The following INPP5A variants were observed in gnomAD, a reference collection of about 807,000 sequenced individuals.
The protein encoded by INPP5A is 43 kDa inositol polyphosphate 5-phophatase.
In INPP5A, 14 loss-of-function variants were observed where a neutral mutation model predicts 65.2. The observed-to-expected ratio is 0.21, with a 90% CI of 0.14 to 0.34. The LOEUF is 0.34. Ranked by LOEUF, INPP5A falls within the 10% of genes least tolerant of loss-of-function variation. INPP5A has a pLI of 1.00. For synonymous variants in INPP5A, 207 were observed against 208.3 expected (o/e 0.99, Z 0.05); for missense variants, 431 against 545.6 (o/e 0.79, Z 2.09).
chr10:132,745,940 C>T (rs1433433470), intron 9 of INPP5A, among the ~76,000 whole-genome samples: 4 of 152,086 alleles, frequency 2.6e-5, no homozygotes, highest in African/African-American at 9.7e-5. Context: ...GTGAGAGCTC[C>T]CAGCTCAGCC....
At chr10:132,609,541 C>A (rs1002599624) in intron 2 of INPP5A, among the ~76,000 whole-genome samples, 4 of 152,222 alleles carry the variant, frequency 2.6e-5, no homozygotes, top group Admixed American at 2.0e-4. Context: ...TGTGTGTGAC[C>A]GGCAAGGAGC....
At chr10:132,774,887 G>A (rs1194382509) in intron 12 of INPP5A, among the ~76,000 whole-genome samples, 2 of 82,302 alleles carry the variant, frequency 2.4e-5, no homozygotes, top group African/African-American at 4.1e-5. Context: ...GGAGAGGCAG[G>A]GAGGAGGGGC....
At chr10:132,657,210 A>G (rs2072668289) in intron 4 of INPP5A, among the ~76,000 whole-genome samples, 1 of 152,234 alleles carries the variant, frequency 6.6e-6, no homozygotes, top group African/African-American at 2.4e-5. Context: ...GAGTGGCCAC[A>G]GCACGTGGCC....
At chr10:132,771,014 C>T (rs558630508) in intron 12 of INPP5A, among the ~76,000 whole-genome samples, 2 of 152,342 alleles carry the variant, frequency 1.3e-5, no homozygotes, top group East Asian at 1.9e-4. Flanking sequence ...AAATAGCATC[C>T]GCTGCTGCTG....
intron 1 of INPP5A, among the ~76,000 whole-genome samples, chr10:132,573,032 T>C (rs1162747720): frequency 7.1e-6 from 1 of 140,136 alleles, no homozygotes; most frequent in Non-Finnish European, 1.5e-5. Context: ...TGTTGCGATG[T>C]TGGGGTGTAC....
intron 12 of INPP5A, 58 bp from the exon 13 acceptor site, chr10:132,777,613 T>C (rs146951202): frequency 2.7e-6 from 4 of 1,504,882 alleles, no homozygotes; most frequent in Non-Finnish European, 3.7e-6. Context: ...AGCCGTCCCT[T>C]TGGGGCTGAG....
Position 132,538,229 on chromosome 10 carries a change from G to A in INPP5A, c.75+58G>A. On this transcript the variant is annotated intron_variant, in intron 1 of 15. Transcript: ENST00000368594. The surrounding 1 kb of genome is among the most constrained non-coding windows in gnomAD (Gnocchi z 4.1). The stretch of plus-strand genomic sequence containing the variant: ...CCCGGAACCCCCGACCCTGACCCCG[G>A]GGTCCCGAACTGCAAGCCTTGGACC... The A allele has an allele frequency of 2.7e-6, 3 of 1,093,620 alleles. No individual in the cohort carries two copies. Among genetic ancestry groups the A allele is most frequent in the Non-Finnish European group, 3.5e-6 (3 of 860,976 alleles). The allele number at this position is 1,093,620 out of a possible 1,614,324, so 67.7% of individuals were successfully genotyped here.
intron 12 of INPP5A, among the ~76,000 whole-genome samples, chr10:132,775,590 T>G (rs12784446): frequency 0.21 from 31,951 of 152,106 alleles, 3,556 homozygotes; most frequent in Non-Finnish European, 0.26. Context: ...ATTAAGGGTG[T>G]TGCCCCCAAC....
intron 8 of INPP5A, among the ~76,000 whole-genome samples, chr10:132,724,222 G>A (rs981691496): frequency 2.6e-5 from 4 of 152,196 alleles, no homozygotes; most frequent in Non-Finnish European, 5.9e-5. Flanking sequence ...CCGTGCCGCT[G>A]GGAATGTTGT....
intron 1 of INPP5A, among the ~76,000 whole-genome samples, chr10:132,586,252 T>A (rs1268696885): frequency 1.3e-5 from 2 of 152,162 alleles, no homozygotes; most frequent in African/African-American, 4.8e-5. Context: ...CTCCCCCACC[T>A]CCGACTCTGT....
chr10:132,661,187 T>C (rs1312394059), intron 4 of INPP5A, among the ~76,000 whole-genome samples: 1 of 152,236 alleles, frequency 6.6e-6, no homozygotes, highest in Non-Finnish European at 1.5e-5. Flanking sequence ...CAGCACCATG[T>C]GTAAATTGTT....
At chr10:132,596,353 A>G (rs1353673556) in intron 1 of INPP5A, among the ~76,000 whole-genome samples, 1 of 152,132 alleles carries the variant, frequency 6.6e-6, no homozygotes, top group Admixed American at 6.5e-5. Context: ...GCACATGTAC[A>G]TTCAAAATTT....
Position 132,741,342 on chromosome 10 carries a change from G to T in INPP5A, c.733-8175G>T, listed in dbSNP as rs181139340. Reference sequence around the variant, plus strand: ...CCGCAGCCTAACAGTGGGCAGCTCCGTGTCTGTGGGTCACAAGTGGTTGGT... The same window carrying T: ...CCGCAGCCTAACAGTGGGCAGCTCCTTGTCTGTGGGTCACAAGTGGTTGGT... On this transcript the variant is annotated intron_variant, in intron 9 of 15. Coordinates refer to ENST00000368594, the MANE Select transcript of INPP5A (RefSeq NM_005539.5). This position sits in a 1 kb window ranked among gnomAD's most constrained non-coding sequence, Gnocchi z 4.4. Among the ~76,000 whole-genome samples, 2 of 152,232 alleles carry T rather than the reference G, an allele frequency of 1.3e-5. No homozygotes were observed. The highest frequency in any genetic ancestry group is 1.5e-5 in the Non-Finnish European group (1 of 68,044).
In INPP5A at chr10:132,665,937, C is replaced by T. The variant is rs543997127; in HGVS notation, c.306+15432C>T. 2.6e-5 allele frequency among the ~76,000 whole-genome samples: 4 copies of T among 152,068 alleles called. No homozygotes were observed. In the East Asian group the frequency reaches 5.8e-4, roughly 22 times the overall value. On this transcript the variant is annotated intron_variant, in intron 4 of 15. Transcript: ENST00000368594. ...AGCTGCAATGGCGTGCACCTGTAGT[C>T]GCAGCTACTTGGGAGGCTGAGGCTG...
In INPP5A at chr10:132,558,338, C is replaced by T. The variant is rs551527258; in HGVS notation, c.75+20167C>T. Among the ~76,000 whole-genome samples the T allele has an allele frequency of 1.3e-3, 196 of 152,334 alleles. 1 individual carries two copies. Among genetic ancestry groups the T allele is most frequent in the African/African-American group, 4.5e-3 (186 of 41,580 alleles). On this transcript the variant is annotated intron_variant, in intron 1 of 15. Transcript: ENST00000368594. ...GCCCACGCTCTCCTGAGAGGCCACT[C>T]GCTCCGGGGCTAATCATGGTTAATC...
chr10:132,652,953 C>T (rs1038367344), intron 4 of INPP5A, among the ~76,000 whole-genome samples: 3 of 152,210 alleles, frequency 2.0e-5, no homozygotes, highest in Admixed American at 6.5e-5. Context: ...GGCTCTGCAC[C>T]GCAGGAGGAC....
At chr10:132,654,850 G>A (rs1369988772) in intron 4 of INPP5A, among the ~76,000 whole-genome samples, 2 of 152,246 alleles carry the variant, frequency 1.3e-5, no homozygotes, top group East Asian at 3.9e-4. Context: ...TGGGGGGGAC[G>A]CGGCTGAGGG....
chr10:132,662,331 C>CT (rs1239952105), intron 4 of INPP5A, among the ~76,000 whole-genome samples: 2 of 152,216 alleles, frequency 1.3e-5, no homozygotes, highest in African/African-American at 4.8e-5. Context: ...ACATTCCACA[C>CT]TAAGACTGAA....
chr10:132,703,360 T>C (rs2134511676), intron 6 of INPP5A, among the ~76,000 whole-genome samples: 1 of 152,190 alleles, frequency 6.6e-6, no homozygotes, highest in East Asian at 1.9e-4. Context: ...CGCAGGCCCC[T>C]GATGGAGTTG....
Sources: allele counts gnomAD v4.1 joint callset (sites outside exome capture counted in the v4.1 genomes callset), GRCh38; gene constraint gnomAD v4.1.1; non-coding constraint Gnocchi (gnomAD v3.1); transcripts MANE v1.5; gene names NCBI Gene and HGNC (gene_info 2026-07-23, HGNC 2026-07-21).